The following ZBTB7C variants were observed in gnomAD, a reference collection of about 807,000 sequenced individuals.
ZBTB7C encodes the protein zinc finger and BTB domain-containing protein 7C.
In ZBTB7C, 8 loss-of-function variants were observed where a neutral mutation model predicts 25.7. The ratio of observed to expected loss-of-function variants is 0.31; its 90% CI spans 0.18 to 0.56. The LOEUF is 0.56. Ranked by LOEUF, ZBTB7C falls within the 20% of genes least tolerant of loss-of-function variation. ZBTB7C has a pLI of 0.91. For missense variants in ZBTB7C, 824 were observed against 855.2 expected (o/e 0.96, Z 0.46); for synonymous variants, 394 against 369.0 (o/e 1.07, Z -0.78).
At chr18:48,333,402 CTTT>C (rs2046385096) in intron 2 of ZBTB7C, among the ~76,000 whole-genome samples, 1 of 152,126 alleles carries the variant, frequency 6.6e-6, no homozygotes, top group Non-Finnish European at 1.5e-5. Flanking sequence ...TCCACAGCAC[CTTT>C]TACTTTTAGA....
At chr18:48,367,746 T>A (rs2047280249) in intron 1 of ZBTB7C, among the ~76,000 whole-genome samples, 1 of 151,822 alleles carries the variant, frequency 6.6e-6, no homozygotes, top group Non-Finnish European at 1.5e-5. Flanking sequence ...TGGGATGGTG[T>A]CAGAGGAGGC....
chr18:48,303,906 A>G (rs2045602750), intron 2 of ZBTB7C, among the ~76,000 whole-genome samples: 1 of 152,224 alleles, frequency 6.6e-6, no homozygotes, highest in South Asian at 2.1e-4. Context: ...TTCTGTGATA[A>G]GAGTAGCAAG....
At chr18:48,178,185 C>T (rs2041748618) in intron 3 of ZBTB7C, among the ~76,000 whole-genome samples, 1 of 152,208 alleles carries the variant, frequency 6.6e-6, no homozygotes, top group Admixed American at 6.5e-5. Context: ...AAGTTTGCCA[C>T]CTGTTTCCTG....
intron 3 of ZBTB7C, among the ~76,000 whole-genome samples, chr18:48,057,242 G>C (rs2036955526): frequency 6.6e-6 from 1 of 152,014 alleles, no homozygotes; most frequent in South Asian, 2.1e-4. Context: ...TACCCTTATA[G>C]ATATATATCT....
intron 1 of ZBTB7C, chr18:48,350,620 T>C (rs1161936031): frequency 6.6e-6 from 1 of 152,190 alleles, no homozygotes; most frequent in East Asian, 1.9e-4. Flanking sequence ...TACATTCACA[T>C]TGTTCAAAAC....
intron 2 of ZBTB7C, among the ~76,000 whole-genome samples, chr18:48,336,427 A>G (rs2046459180): frequency 6.6e-6 from 1 of 152,078 alleles, no homozygotes; most frequent in South Asian, 2.1e-4. Flanking sequence ...TACATGTTTT[A>G]CTTTATTTCA....
At chr18:48,133,282 GA>G (rs2144784702) in intron 3 of ZBTB7C, among the ~76,000 whole-genome samples, 1 of 152,342 alleles carries the variant, frequency 6.6e-6, no homozygotes, top group Admixed American at 6.5e-5. Flanking sequence ...GGATGAAGTG[GA>G]AGGAGGCCCA....
At chr18:48,156,484 T>C (rs1012675392) in intron 3 of ZBTB7C, among the ~76,000 whole-genome samples, 3 of 152,234 alleles carry the variant, frequency 2.0e-5, no homozygotes, top group African/African-American at 7.2e-5. Context: ...AGGAAAGCAC[T>C]CGAAAAGTAA....
intron 2 of ZBTB7C, among the ~76,000 whole-genome samples, chr18:48,248,041 T>C (rs2043746003): frequency 6.6e-6 from 1 of 152,024 alleles, no homozygotes; most frequent in Admixed American, 6.6e-5. Flanking sequence ...TAAATAGGAG[T>C]TCCCCTGCAC....
At chr18:48,363,713 T>C (rs1332681861) in intron 1 of ZBTB7C, among the ~76,000 whole-genome samples, 12 of 152,092 alleles carry the variant, frequency 7.9e-5, no homozygotes, top group Admixed American at 7.2e-4. Flanking sequence ...AGCGTGGCCA[T>C]TGGGGGTGTA....
chr18:48,305,102 TAACG>T (rs2045640398), intron 2 of ZBTB7C, among the ~76,000 whole-genome samples: 1 of 152,164 alleles, frequency 6.6e-6, no homozygotes, highest in Admixed American at 6.5e-5. Context: ...ACTGGAATTA[TAACG>T]AGCATTAAGT....
intron 1 of ZBTB7C, among the ~76,000 whole-genome samples, chr18:48,400,568 TC>T (rs886207108): frequency 2.6e-5 from 4 of 151,940 alleles, no homozygotes; most frequent in Non-Finnish European, 5.9e-5. Flanking sequence ...CAATGCAGAG[TC>T]CCCCTGTAGC....
chr18:48,288,578 C>T (rs2045127338), intron 2 of ZBTB7C, among the ~76,000 whole-genome samples: 1 of 151,846 alleles, frequency 6.6e-6, no homozygotes, highest in African/African-American at 2.4e-5. Flanking sequence ...ATTGCTTGAA[C>T]CTGGGAGGTG....
At chr18:48,056,562 T>C (rs978040820) in intron 3 of ZBTB7C, among the ~76,000 whole-genome samples, 8 of 152,146 alleles carry the variant, frequency 5.3e-5, no homozygotes, top group African/African-American at 1.9e-4. Context: ...GGGCAGTCCA[T>C]AAACAGACTC....
intron 3 of ZBTB7C, among the ~76,000 whole-genome samples, chr18:48,096,671 CT>C (rs1298847821): frequency 6.6e-6 from 1 of 152,100 alleles, no homozygotes; most frequent in Non-Finnish European, 1.5e-5. Flanking sequence ...GATGCTCTCA[CT>C]TTCGGTCATA....
chr18:48,388,718 C>A (rs1232929003), intron 1 of ZBTB7C, among the ~76,000 whole-genome samples: 7 of 152,138 alleles, frequency 4.6e-5, no homozygotes, highest in Non-Finnish European at 2.9e-5. Flanking sequence ...CACTGCCCTC[C>A]AGCCTGGGCA....
At chr18:48,074,158 C>G (rs568684260) in intron 3 of ZBTB7C, among the ~76,000 whole-genome samples, 1 of 152,008 alleles carries the variant, frequency 6.6e-6, no homozygotes, top group Non-Finnish European at 1.5e-5. Flanking sequence ...GGATTACAGA[C>G]GCATGCCACC....
chr18:48,317,866 G>A (rs902377523), intron 2 of ZBTB7C, among the ~76,000 whole-genome samples: 59 of 151,910 alleles, frequency 3.9e-4, no homozygotes, highest in African/African-American at 1.4e-3. Flanking sequence ...GGGTGGGCCA[G>A]GGCATCAGAA....
chr18:48,226,618 A>C (rs1413259136), intron 2 of ZBTB7C, among the ~76,000 whole-genome samples: 1 of 152,246 alleles, frequency 6.6e-6, no homozygotes, highest in Non-Finnish European at 1.5e-5. Flanking sequence ...TGCAACCTCC[A>C]GGTGTCACAT....
Sources: allele counts gnomAD v4.1 joint callset (sites outside exome capture counted in the v4.1 genomes callset), GRCh38; gene constraint gnomAD v4.1.1; transcripts MANE v1.5; gene names NCBI Gene and HGNC (gene_info 2026-07-23, HGNC 2026-07-21).